FOXN3: variants seen among roughly 807,000 people sequenced by gnomAD.
FOXN3 encodes the protein forkhead box protein N3.
A neutral mutation model predicts 38.4 loss-of-function variants in FOXN3; 7 were observed. That is an observed-to-expected ratio of 0.18 (90% CI 0.10 to 0.34). FOXN3 has a LOEUF of 0.34. FOXN3 is among the 10% of genes least tolerant of loss of function. FOXN3 has a pLI of 1.00. For synonymous variants in FOXN3, 230 were observed against 242.2 expected (o/e 0.95, Z 0.47); for missense variants, 456 against 613.4 (o/e 0.74, Z 2.71).
chr14:89,490,034 C>T (rs1167804599), intron 1 of FOXN3, among the ~76,000 whole-genome samples: 1 of 152,184 alleles, frequency 6.6e-6, no homozygotes, highest in Non-Finnish European at 1.5e-5. Flanking sequence ...AGCCACATTC[C>T]CCTCCCTGTC....
At chr14:89,338,588 G>A (rs530054650) in intron 3 of FOXN3, among the ~76,000 whole-genome samples, 28 of 152,356 alleles carry the variant, frequency 1.8e-4, no homozygotes, top group Non-Finnish European at 3.4e-4. Context: ...GAGGTCAGGA[G>A]TGCAAGACCA....
chr14:89,277,388 G>A (rs1886331437), intron 4 of FOXN3, among the ~76,000 whole-genome samples: 1 of 152,032 alleles, frequency 6.6e-6, no homozygotes. Context: ...TGCTCTGCTT[G>A]GTTTCCATTG....
At chr14:89,575,348 A>G (rs932985145) in intron 1 of FOXN3, among the ~76,000 whole-genome samples, 1 of 152,156 alleles carries the variant, frequency 6.6e-6, no homozygotes, top group Non-Finnish European at 1.5e-5. Context: ...AGATGGCAGA[A>G]AGGAAATTGG....
rs1887024491 is a variant in FOXN3, at chr14:89,158,334, G to A, written c.*4080C>T. The A allele has an allele frequency of 6.6e-6, 1 of 152,304 alleles. No homozygotes were observed. Among genetic ancestry groups the A allele is most frequent in the African/African-American group, 2.4e-5 (1 of 41,460 alleles). 9.4% of individuals were successfully genotyped at this position (152,304 alleles called of 1,614,324 possible). ...TCCTTCAACACAACGGCCCCTCCCA[G>A]AAGGCTCTGTGGTAGTAACTGCTGT... is the stretch of plus-strand genomic sequence containing the variant. On this transcript the variant is annotated 3_prime_UTR_variant, in exon 6 of 6. Transcript: ENST00000557258.
intron 4 of FOXN3, among the ~76,000 whole-genome samples, chr14:89,192,927 G>A (rs1202892185): frequency 6.6e-6 from 1 of 151,950 alleles, no homozygotes; most frequent in Admixed American, 6.6e-5. Flanking sequence ...CACAGGGCCT[G>A]TTGCCTGCAA....
intron 1 of FOXN3, among the ~76,000 whole-genome samples, chr14:89,472,649 A>G (rs1893126635): frequency 7.1e-6 from 1 of 141,670 alleles, no homozygotes; most frequent in African/African-American, 2.6e-5. Context: ...TGAACCCAGG[A>G]GGTGGAGCTT....
At chr14:89,440,526 T>G (rs575976040) in intron 1 of FOXN3, among the ~76,000 whole-genome samples, 1 of 152,190 alleles carries the variant, frequency 6.6e-6, no homozygotes, top group Non-Finnish European at 1.5e-5. Flanking sequence ...TGGCCGGTTC[T>G]TGCCTTAAGT....
intron 5 of FOXN3, among the ~76,000 whole-genome samples, chr14:89,169,375 A>T (rs1051314877): frequency 1.1e-4 from 17 of 152,310 alleles, no homozygotes; most frequent in African/African-American, 3.8e-4. Flanking sequence ...CAGGAGGCTG[A>T]GGCTGCAGTG....
At chr14:89,211,240 A>C (rs1014021202) in intron 4 of FOXN3, among the ~76,000 whole-genome samples, 2 of 152,354 alleles carry the variant, frequency 1.3e-5, no homozygotes, top group South Asian at 2.1e-4. Flanking sequence ...TTTGCAAGTA[A>C]ATTCATTTTT....
At chr14:89,338,222 G>C (rs762727918) in intron 3 of FOXN3, among the ~76,000 whole-genome samples, 2 of 152,180 alleles carry the variant, frequency 1.3e-5, no homozygotes, top group African/African-American at 2.4e-5. Context: ...ATCTGGACTT[G>C]TGACTGTAAA....
chr14:89,393,326 T>C (rs1480470080), intron 2 of FOXN3, among the ~76,000 whole-genome samples: 1 of 152,202 alleles, frequency 6.6e-6, no homozygotes, highest in Admixed American at 6.5e-5. Context: ...CTTGATTACA[T>C]CTTTTCCAAA....
At chr14:89,458,954 A>G (rs1398649500) in intron 1 of FOXN3, among the ~76,000 whole-genome samples, 2 of 152,236 alleles carry the variant, frequency 1.3e-5, no homozygotes, top group African/African-American at 4.8e-5. Context: ...TTCATCTGCA[A>G]GCTCTCCAAA....
At chr14:89,462,597 A>G (rs2139730013) in intron 1 of FOXN3, among the ~76,000 whole-genome samples, 1 of 152,210 alleles carries the variant, frequency 6.6e-6, no homozygotes, top group East Asian at 1.9e-4. Flanking sequence ...GACTCTGTCT[A>G]CAGAGGTCCA....
At chr14:89,293,996 C>G (rs915349913) in intron 3 of FOXN3, among the ~76,000 whole-genome samples, 2 of 152,216 alleles carry the variant, frequency 1.3e-5, no homozygotes, top group African/African-American at 4.8e-5. Flanking sequence ...TTGGTAATCA[C>G]CTGGCAAATG....
intron 2 of FOXN3, chr14:89,409,304 A>G (rs1891470755): frequency 6.8e-6 from 1 of 146,114 alleles, no homozygotes; most frequent in Non-Finnish European, 1.5e-5. Flanking sequence ...CCGGATTGAC[A>G]ATCTTCATCC....
chr14:89,525,771 T>C (rs560301405), intron 1 of FOXN3, among the ~76,000 whole-genome samples: 1 of 149,092 alleles, frequency 6.7e-6, no homozygotes, highest in South Asian at 2.1e-4. Flanking sequence ...TGCTTTATTC[T>C]ATGAGTCCAG....
chr14:89,305,715 TAAAAGCCTTA>T (rs1377755757), intron 3 of FOXN3, among the ~76,000 whole-genome samples: 3 of 152,230 alleles, frequency 2.0e-5, no homozygotes, highest in African/African-American at 7.2e-5. Flanking sequence ...GACAAATATT[TAAAAGCCTTA>T]TATTTATGAA....
chr14:89,420,542 T>C (rs1261553313), upstream of FOXN3, among the ~76,000 whole-genome samples: 1 of 152,144 alleles, frequency 6.6e-6, no homozygotes, highest in African/African-American at 2.4e-5. Flanking sequence ...ATATGTGTAT[T>C]TTGAGAAAGC....
At chr14:89,344,026 T>C (rs982550529) in intron 3 of FOXN3, among the ~76,000 whole-genome samples, 1 of 152,170 alleles carries the variant, frequency 6.6e-6, no homozygotes, top group Admixed American at 6.5e-5. Flanking sequence ...CCTCCCAAAG[T>C]GCTGGGATTA....
Sources: allele counts gnomAD v4.1 joint callset (sites outside exome capture counted in the v4.1 genomes callset), GRCh38; gene constraint gnomAD v4.1.1; transcripts MANE v1.5; gene names NCBI Gene and HGNC (gene_info 2026-07-23, HGNC 2026-07-21).